Variants in PRKCA observed in about 807,000 individuals in gnomAD.
The protein encoded by PRKCA is protein kinase C alpha type.
Under a neutral mutation model 87.0 loss-of-function variants are expected in PRKCA, and 27 were observed. That is an observed-to-expected ratio of 0.31 (90% confidence interval 0.23 to 0.43). PRKCA has a LOEUF of 0.43. Among genes scored for constraint, PRKCA ranks in the 20% least tolerant of loss-of-function variants. The probability of loss-of-function intolerance (pLI) is 1.00; values close to 1 mark genes in which losing one functional copy is unlikely to be tolerated. For missense variants in PRKCA, 518 were observed against 852.3 expected (o/e 0.61, Z 4.88); for synonymous variants, 329 against 311.1 (o/e 1.06, Z -0.61).
intron 3 of PRKCA, among the ~76,000 whole-genome samples, chr17:66,566,770 C>T (rs893295933): frequency 6.6e-6 from 1 of 152,104 alleles, no homozygotes; most frequent in African/African-American, 2.4e-5. Flanking sequence ...ATCAGATTTG[C>T]TTTCCTGGTC....
At chr17:66,450,915 G>A (rs971922537) in intron 2 of PRKCA, among the ~76,000 whole-genome samples, 1 of 152,238 alleles carries the variant, frequency 6.6e-6, no homozygotes, top group South Asian at 2.1e-4. Context: ...GAACTGTGAT[G>A]CAGGGGTTTA....
intron 2 of PRKCA, among the ~76,000 whole-genome samples, chr17:66,323,947 A>AG (rs1905826293): frequency 6.6e-6 from 1 of 152,176 alleles, no homozygotes; most frequent in Admixed American, 6.5e-5. Flanking sequence ...ACTCAAAAAA[A>AG]AATTGCTAAT....
intron 8 of PRKCA, among the ~76,000 whole-genome samples, chr17:66,714,098 G>A (rs1911048014): frequency 6.6e-6 from 1 of 152,198 alleles, no homozygotes; most frequent in African/African-American, 2.4e-5. Flanking sequence ...AAGCCCAGCA[G>A]TTGCAGCTGG....
chr17:66,760,374 CTT>C (rs143292441), intron 13 of PRKCA, among the ~76,000 whole-genome samples: 4,502 of 152,226 alleles, frequency 0.03, 85 homozygotes, highest in Middle Eastern at 0.088. Context: ...GTAGATACGA[CTT>C]ATCAAATGTT....
At chr17:66,523,015 C>G (rs1967221447) in intron 3 of PRKCA, among the ~76,000 whole-genome samples, 3 of 152,008 alleles carry the variant, frequency 2.0e-5, no homozygotes. Flanking sequence ...CAACAGTATC[C>G]AGAGATGGCC....
rs184053053 is a variant in PRKCA, at chr17:66,641,306, C to T, written c.289-49C>T. 32 of 1,395,930 alleles carry T rather than the reference C, an allele frequency of 2.3e-5. 1 individual carries two copies. Among genetic ancestry groups the T allele is most frequent in the Middle Eastern group, 1.8e-4 (1 of 5,580 alleles). The allele number at this position is 1,395,930 out of a possible 1,614,324, so 86.5% of individuals were successfully genotyped here. A position where few individuals can be genotyped will look rare whatever the true frequency, so the allele number is the denominator to read the frequency against. On this transcript the variant is annotated intron_variant, in intron 3 of 16. Coordinates refer to ENST00000413366, the MANE Select transcript of PRKCA (RefSeq NM_002737.3). ...GCCTGAGCTTGGCTTAATCTAAAAA[C>T]GTGGTCCTTTCATGACTAAAATGAG...
At chr17:66,548,299 G>A (rs1292790733) in intron 3 of PRKCA, among the ~76,000 whole-genome samples, 2 of 152,168 alleles carry the variant, frequency 1.3e-5, no homozygotes, top group African/African-American at 2.4e-5. Flanking sequence ...GCCTATGAGG[G>A]CGCCCCTCCT....
intron 3 of PRKCA, among the ~76,000 whole-genome samples, chr17:66,535,341 C>A (rs774781896): frequency 6.6e-6 from 1 of 152,220 alleles, no homozygotes; most frequent in Non-Finnish European, 1.5e-5. Context: ...ATCTGTTGAT[C>A]TGTGTGTCCA....
At chr17:66,479,582 T>C (rs1303641862) in intron 2 of PRKCA, among the ~76,000 whole-genome samples, 2 of 152,038 alleles carry the variant, frequency 1.3e-5, no homozygotes, top group African/African-American at 2.4e-5. Context: ...CTATTCACAA[T>C]AGGAAAGACA....
chr17:66,550,567 T>C (rs1219033446), intron 3 of PRKCA, among the ~76,000 whole-genome samples: 1 of 152,086 alleles, frequency 6.6e-6, no homozygotes, highest in South Asian at 2.1e-4. Flanking sequence ...GAGAATGGCT[T>C]GAACCCGGGA....
chr17:66,383,333 T>C (rs1325206468), intron 2 of PRKCA, among the ~76,000 whole-genome samples: 1 of 152,202 alleles, frequency 6.6e-6, no homozygotes, highest in Non-Finnish European at 1.5e-5. Context: ...TCATCAACAA[T>C]GTATAGACTT....
intron 3 of PRKCA, among the ~76,000 whole-genome samples, chr17:66,568,307 C>T (rs878867275): frequency 1.3e-5 from 2 of 152,296 alleles, no homozygotes; most frequent in East Asian, 3.9e-4. Context: ...GAATAAGACT[C>T]TGTCTCAAAA....
chr17:66,439,190 T>TAA (rs1284552885), intron 2 of PRKCA, among the ~76,000 whole-genome samples: 1 of 151,906 alleles, frequency 6.6e-6, no homozygotes, highest in African/African-American at 2.4e-5. Context: ...TTTCTTTCTT[T>TAA]TTTTTATTGA....
chr17:66,332,172 T>C (rs1906365462), intron 2 of PRKCA, among the ~76,000 whole-genome samples: 1 of 151,946 alleles, frequency 6.6e-6, no homozygotes, highest in African/African-American at 2.4e-5. Flanking sequence ...GGGCATCTTA[T>C]TTGATAAAAT....
chr17:66,623,157 A>C (rs1970740165), intron 3 of PRKCA, among the ~76,000 whole-genome samples: 2 of 152,202 alleles, frequency 1.3e-5, no homozygotes, highest in Non-Finnish European at 2.9e-5. Context: ...CTGTGTTATC[A>C]CTTGTAGCAA....
intron 16 of PRKCA, chr17:66,796,858 A>T: frequency 2.0e-6 from 2 of 985,378 alleles, no homozygotes; most frequent in Non-Finnish European, 2.4e-6. Flanking sequence ...TTCCCCTACG[A>T]TGAAGTACCT....
chr17:66,319,558 CTT>C (rs1420833016), intron 2 of PRKCA, among the ~76,000 whole-genome samples: 1 of 151,700 alleles, frequency 6.6e-6, no homozygotes, highest in Admixed American at 6.6e-5. Flanking sequence ...TATATGGAGA[CTT>C]TTTCTTAGCA....
intron 2 of PRKCA, among the ~76,000 whole-genome samples, chr17:66,356,818 G>A (rs556041029): frequency 6.6e-6 from 1 of 152,252 alleles, no homozygotes; most frequent in East Asian, 1.9e-4. Flanking sequence ...GGAGTGGTGT[G>A]ATTTCAGCTC....
intron 2 of PRKCA, among the ~76,000 whole-genome samples, chr17:66,421,269 A>T (rs561375406): frequency 4.3e-4 from 65 of 152,270 alleles, no homozygotes; most frequent in African/African-American, 1.6e-3. Context: ...GGTGTTTGTC[A>T]TGGGAGTTCA....
Sources: gnomAD v4.1 joint callset for allele counts (sites outside exome capture counted in the v4.1 genomes callset) on GRCh38, gnomAD v4.1.1 for gene constraint, MANE v1.5 for transcripts, NCBI Gene and HGNC (gene_info 2026-07-23, HGNC 2026-07-21) for gene names.